The following MSRB3 variants were observed in gnomAD, a reference collection of about 807,000 sequenced individuals.
MSRB3 encodes methionine sulfoxide reductase B3, also known as methionine-R-sulfoxide reductase B3.
Under a neutral mutation model 21.0 loss-of-function variants are expected in MSRB3, and 13 were observed. The ratio of observed to expected loss-of-function variants is 0.62; its 90% CI spans 0.40 to 0.98. MSRB3 has a LOEUF of 0.98. MSRB3 is among the 50% of genes least tolerant of loss of function. The pLI is 0.00. For missense variants in MSRB3, 199 were observed against 230.3 expected (o/e 0.86, Z 0.88); for synonymous variants, 87 against 88.6 (o/e 0.98, Z 0.10).
At chr12:65,279,186 C>G in intron 1 of MSRB3, 1 of 745,490 alleles carries the variant, frequency 1.3e-6, no homozygotes, top group East Asian at 5.4e-5. Flanking sequence ...CCCGCGCGGG[C>G]CCAGGAGAGA....
chr12:65,346,994 A>C (rs904513982), intron 4 of MSRB3, among the ~76,000 whole-genome samples: 9 of 152,086 alleles, frequency 5.9e-5, no homozygotes, highest in Non-Finnish European at 1.2e-4. Flanking sequence ...GTAGCCTTGC[A>C]GTATAGTTTG....
At chr12:65,447,863 C>T (rs1356632154) in intron 5 of MSRB3, among the ~76,000 whole-genome samples, 2 of 152,090 alleles carry the variant, frequency 1.3e-5, no homozygotes, top group Admixed American at 1.3e-4. Context: ...AAATGTTTGT[C>T]ATTAAAAACT....
intron 5 of MSRB3, among the ~76,000 whole-genome samples, chr12:65,428,257 A>G (rs1416349679): frequency 1.3e-5 from 2 of 152,100 alleles, no homozygotes. Context: ...TCTGGGCAAT[A>G]TCCTGGCATC....
Position 65,429,697 on chromosome 12 carries a change from C to G in MSRB3, c.293-24031C>G, listed in dbSNP as rs1224996696. ...TTTTATTAGTGGGATTTTACCAGAT[C>G]TGGAAATATTAAAGGAAGGAAATTG... On this transcript the variant is annotated intron_variant, in intron 5 of 6. Coordinates refer to ENST00000308259, the MANE Select transcript of MSRB3 (RefSeq NM_001031679.3). 2.6e-5 allele frequency among the ~76,000 whole-genome samples: 4 copies of G among 152,196 alleles called. No individual in the cohort carries two copies. In the Middle Eastern group the frequency reaches 0.014, roughly 518 times the overall value.
At chr12:65,375,315 G>A (rs1043934644) in intron 5 of MSRB3, among the ~76,000 whole-genome samples, 4 of 152,038 alleles carry the variant, frequency 2.6e-5, no homozygotes, top group Non-Finnish European at 4.4e-5. Flanking sequence ...GATTTTCTCA[G>A]ATTTCATATG....
chr12:65,342,563 T>C (rs978572695), intron 4 of MSRB3, among the ~76,000 whole-genome samples: 1 of 151,976 alleles, frequency 6.6e-6, no homozygotes, highest in Non-Finnish European at 1.5e-5. Flanking sequence ...TGGATAGCAG[T>C]GTAATAAATT....
chr12:65,340,853 A>T (rs1486941473), intron 4 of MSRB3, among the ~76,000 whole-genome samples: 1 of 152,136 alleles, frequency 6.6e-6, no homozygotes, highest in African/African-American at 2.4e-5. Flanking sequence ...TTTTCTAAAA[A>T]TAAAATAATA....
At chr12:65,429,230 T>C (rs566856251) in intron 5 of MSRB3, among the ~76,000 whole-genome samples, 49 of 152,198 alleles carry the variant, frequency 3.2e-4, no homozygotes, top group African/African-American at 1.1e-3. Flanking sequence ...ATATTGTTGA[T>C]CCCATGATAG....
chr12:65,305,048 ATCT>A (rs915527425), intron 1 of MSRB3: 6 of 151,920 alleles, frequency 3.9e-5, no homozygotes, highest in African/African-American at 7.3e-5. Flanking sequence ...TCTTCAAGTA[ATCT>A]TCTTCTTTTT....
At chr12:65,382,872 GCA>G (rs1879015048) in intron 5 of MSRB3, among the ~76,000 whole-genome samples, 1 of 151,674 alleles carries the variant, frequency 6.6e-6, no homozygotes, top group Non-Finnish European at 1.5e-5. Flanking sequence ...ATATATACAT[GCA>G]TATATGTGTG....
In MSRB3 at chr12:65,463,622, C is replaced by T. The variant is rs1883432055; in HGVS notation, c.*300C>T. On this transcript the variant is annotated 3_prime_UTR_variant, in exon 7 of 7. Transcript: ENST00000308259. ...ACATGGCTTCTTTTGCAGTTTTTCC[C>T]CCTTTGATTCAGAAGCAGAGGGTTC... The T allele has an allele frequency of 2.7e-6, 1 of 374,240 alleles. No homozygotes were observed. Among genetic ancestry groups the T allele is most frequent in the Non-Finnish European group, 5.0e-6 (1 of 200,862 alleles). 23.2% of individuals were successfully genotyped at this position (374,240 alleles called of 1,614,324 possible).
Position 65,278,859 on chromosome 12 carries a change from C to G in MSRB3, c.-58C>G, listed in dbSNP as rs1422306093. On this transcript the variant is annotated 5_prime_UTR_variant, in exon 1 of 7. Transcript: ENST00000308259. ...CCTGGCCGCGGCTCTGGGAAGTGCGCAGTCCGGTAAGTTCGGGCTCCCCTC... is the reference window on the plus strand; with the variant it reads ...CCTGGCCGCGGCTCTGGGAAGTGCGGAGTCCGGTAAGTTCGGGCTCCCCTC... 4 of 1,559,050 alleles carry G rather than the reference C, an allele frequency of 2.6e-6. No individual in the cohort carries two copies. The highest frequency in any genetic ancestry group is 3.5e-6 in the Non-Finnish European group (4 of 1,151,272).
intron 5 of MSRB3, among the ~76,000 whole-genome samples, chr12:65,375,274 TG>T (rs1231369649): frequency 6.6e-6 from 1 of 152,204 alleles, no homozygotes; most frequent in Non-Finnish European, 1.5e-5. Context: ...GTCAGATAGA[TG>T]TAAGTCTCTC....
chr12:65,426,109 G>A (rs757807733), intron 5 of MSRB3, among the ~76,000 whole-genome samples: 14 of 152,032 alleles, frequency 9.2e-5, no homozygotes, highest in East Asian at 5.8e-4. Flanking sequence ...CTGCCCGCCC[G>A]CCTCAGCCTC....
chr12:65,343,887 A>G (rs1476266837), intron 4 of MSRB3, among the ~76,000 whole-genome samples: 2 of 152,058 alleles, frequency 1.3e-5, no homozygotes, highest in African/African-American at 4.8e-5. Context: ...GCCAATGACT[A>G]TACTTGGATT....
intron 5 of MSRB3, among the ~76,000 whole-genome samples, chr12:65,437,721 C>A (rs1398686817): frequency 9.3e-6 from 1 of 108,088 alleles, no homozygotes; most frequent in Non-Finnish European, 2.3e-5. Context: ...AGTGAATATT[C>A]CCCAGGTGAA....
At chr12:65,329,345 C>T (rs1875259645) in intron 4 of MSRB3, among the ~76,000 whole-genome samples, 1 of 151,980 alleles carries the variant, frequency 6.6e-6, no homozygotes, top group South Asian at 2.1e-4. Context: ...AGGCAGAAAC[C>T]TTAATTGGGA....
intron 4 of MSRB3, among the ~76,000 whole-genome samples, chr12:65,336,134 A>G (rs1451963244): frequency 6.6e-6 from 1 of 152,238 alleles, no homozygotes; most frequent in Non-Finnish European, 1.5e-5. Context: ...TTACTTTTCT[A>G]TCTTCAACTC....
At chr12:65,422,737 T>C (rs1881386634) in intron 5 of MSRB3, among the ~76,000 whole-genome samples, 1 of 151,762 alleles carries the variant, frequency 6.6e-6, no homozygotes, top group South Asian at 2.1e-4. Flanking sequence ...TTTAAATCAA[T>C]GTTTTATAGT....
Sources: gnomAD v4.1 joint callset for allele counts (sites outside exome capture counted in the v4.1 genomes callset) on GRCh38, gnomAD v4.1.1 for gene constraint, MANE v1.5 for transcripts, NCBI Gene and HGNC (gene_info 2026-07-23, HGNC 2026-07-21) for gene names.